EIF4G3: variants seen among roughly 807,000 people sequenced by gnomAD.
EIF4G3 encodes eIF-4-gamma 3.
EIF4G3 carries 34 observed loss-of-function variants against 186.4 expected under a neutral mutation model. The observed-to-expected ratio is 0.18, with a 90% confidence interval of 0.14 to 0.24. EIF4G3 has a LOEUF of 0.24. EIF4G3 is among the 10% of genes least tolerant of loss of function. The pLI, the probability that EIF4G3 is intolerant of heterozygous loss-of-function variation, is 1.00. For missense variants in EIF4G3, 1,536 were observed against 1,948.5 expected (o/e 0.79, Z 3.99); for synonymous variants, 673 against 679.5 (o/e 0.99, Z 0.15).
At chr1:21,086,568 A>G (rs2095986936) in intron 3 of EIF4G3, among the ~76,000 whole-genome samples, 1 of 151,990 alleles carries the variant, frequency 6.6e-6, no homozygotes, top group East Asian at 1.9e-4. Context: ...CACTTTCTCA[A>G]TGAAGTCACC....
chr1:21,023,240 CCCT>C (rs376143000), intron 4 of EIF4G3, among the ~76,000 whole-genome samples: 12 of 42,836 alleles, frequency 2.8e-4, no homozygotes, highest in Admixed American at 2.7e-4. Flanking sequence ...CCTCCCCCTC[CCCT>C]CCCCCTCCCC....
intron 2 of EIF4G3, among the ~76,000 whole-genome samples, chr1:21,132,206 C>T (rs1031132888): frequency 6.6e-6 from 1 of 152,016 alleles, no homozygotes; most frequent in African/African-American, 2.4e-5. Context: ...CTGAGAGATT[C>T]AAACATTTTC....
At chr1:21,162,035 GA>G (rs1338277349) in intron 2 of EIF4G3, 1 of 154,502 alleles carries the variant, frequency 6.5e-6, no homozygotes, top group Non-Finnish European at 1.4e-5. Flanking sequence ...AGCTCTACAT[GA>G]CAAGGATTAT....
intron 6 of EIF4G3, chr1:20,999,373 G>A (rs1302640331): frequency 2.6e-6 from 1 of 390,614 alleles, no homozygotes. Flanking sequence ...GACAAGAACA[G>A]GCAATACCAC....
At chr1:21,174,414 G>T (rs1039196048) in intron 2 of EIF4G3, among the ~76,000 whole-genome samples, 3 of 152,156 alleles carry the variant, frequency 2.0e-5, no homozygotes, top group Non-Finnish European at 2.9e-5. Flanking sequence ...CAGCACTGTG[G>T]TCCTTACTAC....
chr1:21,016,124 C>A (rs529222325), intron 4 of EIF4G3, among the ~76,000 whole-genome samples: 1 of 152,074 alleles, frequency 6.6e-6, no homozygotes, highest in Non-Finnish European at 1.5e-5. Flanking sequence ...TATAAAGATG[C>A]GATTTGTGAC....
At chr1:20,989,107 G>GGAGAGGAGAC (rs2080374930) in intron 7 of EIF4G3, among the ~76,000 whole-genome samples, 1 of 132,752 alleles carries the variant, frequency 7.5e-6, no homozygotes, top group Non-Finnish European at 1.6e-5. Flanking sequence ...GGAGAGGAGA[G>GGAGAGGAGAC]ATTTGTGATT....
intron 8 of EIF4G3, among the ~76,000 whole-genome samples, chr1:20,981,604 CACATACT>C (rs2078110113): frequency 1.7e-5 from 2 of 120,080 alleles, no homozygotes; most frequent in South Asian, 2.8e-4. Context: ...CATGTATACG[CACATACT>C]GTATGTATAC....
At chr1:20,890,129 C>G (rs117793563) in intron 18 of EIF4G3, among the ~76,000 whole-genome samples, 4 of 151,948 alleles carry the variant, frequency 2.6e-5, no homozygotes, top group African/African-American at 9.7e-5. Flanking sequence ...TGTACCACCA[C>G]GCCTGGCTAA....
chr1:21,143,230 C>T (rs1049511553), intron 2 of EIF4G3, among the ~76,000 whole-genome samples: 1 of 145,640 alleles, frequency 6.9e-6, no homozygotes, highest in African/African-American at 2.5e-5. Context: ...GCCTGGGCGA[C>T]AAAGTGAGAA....
intron 7 of EIF4G3, among the ~76,000 whole-genome samples, chr1:20,990,364 A>AT (rs1270879644): frequency 6.6e-6 from 1 of 152,054 alleles, no homozygotes; most frequent in Non-Finnish European, 1.5e-5. Context: ...AATCATTAGC[A>AT]TTTTTTAGCC....
chr1:21,099,556 A>C (rs180833156), intron 2 of EIF4G3, among the ~76,000 whole-genome samples: 1 of 152,388 alleles, frequency 6.6e-6, no homozygotes, highest in East Asian at 1.9e-4. Context: ...CCTGTCCCTG[A>C]GGGAGTGCTA....
chr1:20,819,869 G>A (rs918491131), intron 33 of EIF4G3, among the ~76,000 whole-genome samples: 29 of 152,164 alleles, frequency 1.9e-4, no homozygotes, highest in Non-Finnish European at 7.4e-5. Context: ...AGGACTCAGG[G>A]AGAGGGAGTG....
chr1:21,089,832 C>G (rs868303898), intron 2 of EIF4G3, among the ~76,000 whole-genome samples: 17 of 152,006 alleles, frequency 1.1e-4, no homozygotes, highest in South Asian at 2.1e-4. Flanking sequence ...AAGAAATGAC[C>G]CATGTAAAAC....
At chr1:21,155,304 C>T (rs923918472) in intron 2 of EIF4G3, among the ~76,000 whole-genome samples, 21 of 138,266 alleles carry the variant, frequency 1.5e-4, no homozygotes, top group Non-Finnish European at 2.7e-4. Flanking sequence ...AGAAATTATA[C>T]ATCAATCCAC....
intron 12 of EIF4G3, among the ~76,000 whole-genome samples, chr1:20,957,848 A>C (rs1443155983): frequency 6.6e-6 from 1 of 152,146 alleles, no homozygotes; most frequent in Non-Finnish European, 1.5e-5. Flanking sequence ...ATTAAATCAG[A>C]GGAAAGACAA....
At chr1:20,894,265 A>G (rs1216591270) in intron 17 of EIF4G3, among the ~76,000 whole-genome samples, 1 of 152,216 alleles carries the variant, frequency 6.6e-6, no homozygotes, top group East Asian at 1.9e-4. Flanking sequence ...CCAAAGTCAT[A>G]AACAGATAAG....
At chr1:21,136,449 G>A (rs200863702) in intron 2 of EIF4G3, among the ~76,000 whole-genome samples, 2 of 151,846 alleles carry the variant, frequency 1.3e-5, no homozygotes, top group East Asian at 1.9e-4. Context: ...CCTGGGAGGC[G>A]GAGGTTGCAG....
chr1:21,148,675 C>G (rs1290923415), intron 2 of EIF4G3, among the ~76,000 whole-genome samples: 1 of 144,944 alleles, frequency 6.9e-6, no homozygotes, highest in Admixed American at 7.1e-5. Context: ...GCACTCCAGC[C>G]TGGGCGACAG....
Sources: allele counts gnomAD v4.1 joint callset (sites outside exome capture counted in the v4.1 genomes callset), GRCh38; gene constraint gnomAD v4.1.1; transcripts MANE v1.5; gene names NCBI Gene and HGNC (gene_info 2026-07-23, HGNC 2026-07-21).